GRK3: variants seen among roughly 807,000 people sequenced by gnomAD.
GRK3 encodes the protein G protein-coupled receptor kinase 3.
GRK3 carries 54 observed loss-of-function variants against 95.7 expected under a neutral mutation model. That is an observed-to-expected ratio of 0.56 (90% confidence interval 0.45 to 0.71). The LOEUF (loss-of-function observed/expected upper bound fraction) is 0.71. Ranked by LOEUF, GRK3 falls within the 30% of genes least tolerant of loss-of-function variation. GRK3 has a pLI of 0.00. For synonymous variants in GRK3, 281 were observed against 290.8 expected (o/e 0.97, Z 0.34); for missense variants, 649 against 851.2 (o/e 0.76, Z 2.96).
chr22:25,721,414 T>A lies in GRK3; in HGVS notation c.1905+17T>A. 2.2e-6 allele frequency: 3 copies of A among 1,368,466 alleles called. No individual in the cohort carries two copies. Among genetic ancestry groups the A allele is most frequent in the Non-Finnish European group, 3.1e-6 (3 of 968,164 alleles). The allele number at this position is 1,368,466 out of a possible 1,614,324, so 84.8% of individuals were successfully genotyped here. Reference sequence around the variant, plus strand: ...CAATGTGAGGTGAGTTTTTATTTTTTCTTAGGTGAATGTTAGAATAATTAA... The same window carrying A: ...CAATGTGAGGTGAGTTTTTATTTTTACTTAGGTGAATGTTAGAATAATTAA... On this transcript the variant is annotated intron_variant, in intron 20 of 20. Transcript: ENST00000324198.
In GRK3 at chr22:25,704,282, A is replaced by G. The variant is rs979975516; in HGVS notation, c.1328+73A>G. On this transcript the variant is annotated intron_variant, in intron 15 of 20. Transcript: ENST00000324198. ...TAGTGATTTTAAATACTGTCTATCA[A>G]AAGTCATCCCTAGTCATTAAAATCT... is the stretch of plus-strand genomic sequence containing the variant. The G allele has an allele frequency of 4.5e-6, 5 of 1,114,480 alleles. No individual in the cohort carries two copies. The African/African-American group carries it at 6.2e-5, about 14-fold the overall frequency. The allele number at this position is 1,114,480 out of a possible 1,614,324, so 69.0% of individuals were successfully genotyped here. A position where few individuals can be genotyped will look rare whatever the true frequency, so the allele number is the denominator to read the frequency against.
At chr22:25,696,219 A>G (rs1018095963) in intron 13 of GRK3, among the ~76,000 whole-genome samples, 2 of 152,132 alleles carry the variant, frequency 1.3e-5, no homozygotes, top group South Asian at 2.1e-4. Flanking sequence ...GCCTCAAGCC[A>G]TCCTCCCACC....
intron 3 of GRK3, among the ~76,000 whole-genome samples, chr22:25,657,313 G>C (rs2084879053): frequency 6.6e-6 from 1 of 152,136 alleles, no homozygotes; most frequent in African/African-American, 2.4e-5. Context: ...TATGATTGTA[G>C]AATGTCTGTT....
intron 10 of GRK3, among the ~76,000 whole-genome samples, 156 bp downstream of exon 10, chr22:25,685,404 T>G (rs1012930029): frequency 6.6e-6 from 1 of 152,222 alleles, no homozygotes; most frequent in Non-Finnish European, 1.5e-5. Flanking sequence ...TAATCTTCAC[T>G]GAAAATTCAT....
intron 1 of GRK3, among the ~76,000 whole-genome samples, chr22:25,597,305 A>G (rs2084379070): frequency 1.3e-5 from 2 of 152,140 alleles, no homozygotes; most frequent in African/African-American, 4.8e-5. Context: ...GGTAGGAGAA[A>G]GGGTGGGGAA....
At position 25,668,972 on chromosome 22, in the gene GRK3, G is replaced by A. The variant is rs181155193; in HGVS notation, c.503+1172G>A. ...TCATAGCCTCACAGTAAATGCAAAC[G>A]ATGCCGTTTGCATTTTAGGCAAGCA... On this transcript the variant is annotated intron_variant, in intron 6 of 20. Coordinates refer to ENST00000324198, the MANE Select transcript of GRK3 (RefSeq NM_005160.4). Among the ~76,000 whole-genome samples the A allele has an allele frequency of 2.1e-3, 312 of 152,180 alleles. 2 individuals carry two copies. Among genetic ancestry groups the A allele is most frequent in the African/African-American group, 7.0e-3 (289 of 41,516 alleles).
chr22:25,718,928 GA>G (rs893033648), intron 19 of GRK3, among the ~76,000 whole-genome samples: 1 of 151,640 alleles, frequency 6.6e-6, no homozygotes, highest in Non-Finnish European at 1.5e-5. Context: ...AACTAATACA[GA>G]AAAAAAACAA....
chr22:25,691,276 A>G lies in GRK3; in HGVS notation c.1052+993A>G, dbSNP rs139914622. On this transcript the variant is annotated intron_variant, in intron 12 of 20. Transcript: ENST00000324198. ...TTACATTTTATTGACATCTTAAGCT[A>G]ACATTCATCTCTGTGTTGACTGGTC... Among the ~76,000 whole-genome samples, 25 of 152,316 alleles carry G rather than the reference A, an allele frequency of 1.6e-4. 1 individual carries two copies. In the East Asian group the frequency reaches 4.2e-3, roughly 26 times the overall value.
intron 2 of GRK3, among the ~76,000 whole-genome samples, chr22:25,607,129 G>T (rs2084455912): frequency 6.6e-6 from 1 of 151,940 alleles, no homozygotes; most frequent in African/African-American, 2.4e-5. Context: ...ACCTAGATTT[G>T]ATACATTTCA....
intron 2 of GRK3, among the ~76,000 whole-genome samples, chr22:25,634,457 G>T (rs2084685882): frequency 6.6e-6 from 1 of 152,110 alleles, no homozygotes; most frequent in Non-Finnish European, 1.5e-5. Flanking sequence ...TACTCAAAAG[G>T]CTATAGAGAA....
intron 12 of GRK3, among the ~76,000 whole-genome samples, chr22:25,693,565 C>G (rs1200710355): frequency 6.6e-6 from 1 of 152,100 alleles, no homozygotes; most frequent in Non-Finnish European, 1.5e-5. Flanking sequence ...CTTACCCTGT[C>G]AAACTTTAGG....
In GRK3 at chr22:25,637,839, G is replaced by A. The variant is rs747220512; in HGVS notation, c.191-6753G>A. Among the ~76,000 whole-genome samples the A allele has an allele frequency of 5.9e-5, 9 of 152,198 alleles. No homozygotes were observed. The East Asian group carries it at 7.7e-4, about 13-fold the overall frequency. On this transcript the variant is annotated intron_variant, in intron 2 of 20. Coordinates refer to ENST00000324198, the MANE Select transcript of GRK3 (RefSeq NM_005160.4). ...ATCTGCAGTGTGAGCTGGCAGGCTCGAGATCCAGGATAGCTGATGGTGCAG... is the reference window on the plus strand; with the variant it reads ...ATCTGCAGTGTGAGCTGGCAGGCTCAAGATCCAGGATAGCTGATGGTGCAG...
intron 9 of GRK3, among the ~76,000 whole-genome samples, chr22:25,681,024 G>A (rs1030169005): frequency 2.0e-5 from 3 of 151,442 alleles, no homozygotes; most frequent in African/African-American, 4.9e-5. Flanking sequence ...TACTGTTCCC[G>A]GTTTTCTTCT....
chr22:25,644,460 G>T, intron 2 of GRK3, 132 bp from the exon 3 acceptor site: 1 of 472,572 alleles, frequency 2.1e-6, no homozygotes, highest in Non-Finnish European at 3.7e-6. Context: ...CTAGCTTCTT[G>T]AAATCTTTTT....
intron 3 of GRK3, among the ~76,000 whole-genome samples, chr22:25,654,283 C>A (rs1327502507): frequency 6.6e-6 from 1 of 151,936 alleles, no homozygotes; most frequent in Non-Finnish European, 1.5e-5. Context: ...ATATCTTTAT[C>A]CTAAAACATT....
chr22:25,688,145 A>C (rs2085135510), intron 11 of GRK3, among the ~76,000 whole-genome samples: 2 of 150,748 alleles, frequency 1.3e-5, no homozygotes, highest in South Asian at 4.2e-4. Context: ...CTGAGGAAGG[A>C]GAACGGAGTG....
chr22:25,678,747 G>C (rs1354685830), intron 8 of GRK3, 69 bp from the exon 9 acceptor site: 1 of 903,698 alleles, frequency 1.1e-6, no homozygotes, highest in Non-Finnish European at 1.7e-6. Flanking sequence ...GCCCCAGAGT[G>C]ACATATATTG....
rs1230840374 is a variant in GRK3, at chr22:25,724,521, A to T, written c.*2071A>T. 5.3e-5 allele frequency: 8 copies of T among 152,360 alleles called. No homozygotes were observed. Among genetic ancestry groups the T allele is most frequent in the African/African-American group, 1.9e-4 (8 of 41,588 alleles). 9.4% of individuals were successfully genotyped at this position (152,360 alleles called of 1,614,324 possible). On this transcript the variant is annotated 3_prime_UTR_variant, in exon 21 of 21. Transcript: ENST00000324198. ...AAGGCTCCACTCCCTTTTAGAAAAG[A>T]TATATGAATTGGAAAATGCTCTGAA...
chr22:25,666,335 G>C (rs966763023), intron 5 of GRK3, among the ~76,000 whole-genome samples: 8 of 152,138 alleles, frequency 5.3e-5, no homozygotes, highest in Non-Finnish European at 1.0e-4. Flanking sequence ...TTGGACATTT[G>C]AATCTATTTC....
Sources: gnomAD v4.1 joint callset for allele counts (sites outside exome capture counted in the v4.1 genomes callset) on GRCh38, gnomAD v4.1.1 for gene constraint, MANE v1.5 for transcripts, NCBI Gene and HGNC (gene_info 2026-07-23, HGNC 2026-07-21) for gene names.